STT3B: variants seen among roughly 807,000 people sequenced by gnomAD.
The protein encoded by STT3B is STT3 oligosaccharyltransferase complex catalytic subunit B.
A neutral mutation model predicts 96.8 loss-of-function variants in STT3B; 29 were observed. The ratio of observed to expected loss-of-function variants is 0.30; its 90% confidence interval spans 0.22 to 0.41. The LOEUF (loss-of-function observed/expected upper bound fraction) is 0.41, where lower values mean the gene tolerates loss of function less well. Ranked by LOEUF, STT3B falls within the 10% of genes least tolerant of loss-of-function variation. The pLI, the probability that STT3B is intolerant of heterozygous loss-of-function variation, is 1.00. For synonymous variants in STT3B, 367 were observed against 360.0 expected (o/e 1.02, Z -0.22); for missense variants, 640 against 1,022.3 (o/e 0.63, Z 5.10).
chr3:31,605,551 C>T (rs547022817), intron 5 of STT3B, among the ~76,000 whole-genome samples: 2 of 152,114 alleles, frequency 1.3e-5, no homozygotes, highest in Non-Finnish European at 2.9e-5. Context: ...AAATCCTTTT[C>T]TCTTGGTTTT....
intron 3 of STT3B, 93 bp downstream of exon 3, chr3:31,580,189 A>T: frequency 8.0e-7 from 1 of 1,246,554 alleles, no homozygotes; most frequent in Non-Finnish European, 1.1e-6. Flanking sequence ...TTTACAAATT[A>T]TGTAGTTGCG....
intron 5 of STT3B, among the ~76,000 whole-genome samples, chr3:31,604,554 A>G (rs1040493891): frequency 3.9e-5 from 6 of 152,210 alleles, no homozygotes; most frequent in African/African-American, 1.4e-4. Context: ...CCATACATTT[A>G]TTAAGTGTTG....
chr3:31,616,887 G>A, intron 6 of STT3B, 42 bp from the exon 7 acceptor site: 1 of 1,541,132 alleles, frequency 6.5e-7, no homozygotes, highest in Non-Finnish European at 8.8e-7. Context: ...AATGACCTTG[G>A]AAAACTGCTT....
chr3:31,605,818 T>C (rs1182968745), intron 5 of STT3B, among the ~76,000 whole-genome samples: 3 of 152,106 alleles, frequency 2.0e-5, no homozygotes, highest in Non-Finnish European at 4.4e-5. Flanking sequence ...CAGATAGATA[T>C]TGGAACAGTT....
At chr3:31,628,070 A>T (rs1699571793) in intron 13 of STT3B, among the ~76,000 whole-genome samples, 1 of 152,102 alleles carries the variant, frequency 6.6e-6, no homozygotes, top group African/African-American at 2.4e-5. Context: ...GTAAGTTGCT[A>T]AGAGAGTAGA....
chr3:31,583,301 A>T (rs1331139731), intron 3 of STT3B, among the ~76,000 whole-genome samples: 2 of 150,756 alleles, frequency 1.3e-5, no homozygotes, highest in Non-Finnish European at 1.5e-5. Flanking sequence ...CTCTTTTGTA[A>T]CCTTTTTTTT....
In STT3B at chr3:31,632,226, C is replaced by T. The variant is rs75775319; in HGVS notation, c.2188-709C>T. Among the ~76,000 whole-genome samples the T allele has an allele frequency of 5.9e-3, 895 of 152,242 alleles. 64 individuals carry two copies. In the East Asian group the frequency reaches 0.15, roughly 25 times the overall value. ...TTTTTATCCCTCATAAATCCTTTCA[C>T]GGTTTGGTTTTTTTATTTGGCCTCC... On this transcript the variant is annotated intron_variant, in intron 14 of 15. Transcript: ENST00000295770.
chr3:31,603,239 T>C (rs985674037), intron 5 of STT3B, among the ~76,000 whole-genome samples: 1 of 152,134 alleles, frequency 6.6e-6, no homozygotes, highest in African/African-American at 2.4e-5. Flanking sequence ...CCTCTTTGAG[T>C]AGATTTTTTC....
At chr3:31,553,969 A>G (rs543434055) in intron 1 of STT3B, among the ~76,000 whole-genome samples, 2 of 152,278 alleles carry the variant, frequency 1.3e-5, no homozygotes, top group South Asian at 4.1e-4. Flanking sequence ...TCCATATTTT[A>G]TGGCTGCATT....
intron 1 of STT3B, among the ~76,000 whole-genome samples, chr3:31,557,278 C>T (rs1697742843): frequency 6.6e-6 from 1 of 152,138 alleles, no homozygotes. Context: ...GTTTGGGTTA[C>T]TGTAGTCTTA....
At chr3:31,577,492 T>G (rs796387467) in intron 2 of STT3B, among the ~76,000 whole-genome samples, 2 of 152,172 alleles carry the variant, frequency 1.3e-5, no homozygotes, top group Non-Finnish European at 2.9e-5. Flanking sequence ...TACCCAGTTA[T>G]GTTTTTTTGC....
At chr3:31,554,098 A>C (rs1697634493) in intron 1 of STT3B, among the ~76,000 whole-genome samples, 1 of 152,218 alleles carries the variant, frequency 6.6e-6, no homozygotes, top group Non-Finnish European at 1.5e-5. Context: ...TTGGTAGAGT[A>C]GTCTTGCTCC....
At chr3:31,625,559 G>A (rs1207368523) in intron 12 of STT3B, among the ~76,000 whole-genome samples, 4 of 152,106 alleles carry the variant, frequency 2.6e-5, no homozygotes, top group Non-Finnish European at 5.9e-5. Flanking sequence ...AATTCTATTT[G>A]TATTACTGTT....
At chr3:31,624,870 C>T (rs1410749974) in intron 11 of STT3B, 44 bp from the exon 12 acceptor site, 4 of 1,495,838 alleles carry the variant, frequency 2.7e-6, no homozygotes, top group Non-Finnish European at 3.7e-6. Flanking sequence ...AGCCTCTTCA[C>T]ATTTGTGACA....
intron 13 of STT3B, among the ~76,000 whole-genome samples, chr3:31,628,255 A>G (rs1699577747): frequency 6.6e-6 from 1 of 152,096 alleles, no homozygotes; most frequent in South Asian, 2.1e-4. Context: ...CCTGGTAATC[A>G]CTGGTTATTT....
chr3:31,610,581 A>G lies in STT3B; in HGVS notation c.878-4524A>G, dbSNP rs559520175. Among the ~76,000 whole-genome samples, 45 of 152,300 alleles carry G rather than the reference A, an allele frequency of 3.0e-4. No homozygotes were observed. The South Asian group carries it at 9.1e-3, about 31-fold the overall frequency. ...CATTTGAATTTGAGTCAGACTTTTC[A>G]GTGCCTTTTCTTTTCTAGAATAATT... is the stretch of plus-strand genomic sequence containing the variant. On this transcript the variant is annotated intron_variant, in intron 5 of 15. Transcript: ENST00000295770.
chr3:31,563,403 G>A (rs958402417), intron 1 of STT3B, among the ~76,000 whole-genome samples: 1 of 152,172 alleles, frequency 6.6e-6, no homozygotes, highest in African/African-American at 2.4e-5. Flanking sequence ...ATATATACAA[G>A]GATCTTTGTT....
chr3:31,636,131 A>C lies in STT3B; in HGVS notation c.*67A>C. ...GAGAACCGGTCTTTGCCTTTAGCTC[A>C]TGTCGTGTTTCACAGCAAAGAGGGT... On this transcript the variant is annotated 3_prime_UTR_variant, in exon 16 of 16. Transcript: ENST00000295770. 34 of 1,274,008 alleles carry C rather than the reference A, an allele frequency of 2.7e-5. No homozygotes were observed. Among genetic ancestry groups the C allele is most frequent in the Non-Finnish European group, 3.5e-5 (32 of 916,812 alleles). 78.9% of individuals were successfully genotyped at this position (1,274,008 alleles called of 1,614,324 possible).
At chr3:31,533,576 G>C in intron 1 of STT3B, 1 of 290,612 alleles carries the variant, frequency 3.4e-6, no homozygotes, top group Non-Finnish European at 6.1e-6. Context: ...ACTGCCAGGA[G>C]TGTGGATGCA....
Sources: gnomAD v4.1 joint callset for allele counts (sites outside exome capture counted in the v4.1 genomes callset) on GRCh38, gnomAD v4.1.1 for gene constraint, MANE v1.5 for transcripts, NCBI Gene and HGNC (gene_info 2026-07-23, HGNC 2026-07-21) for gene names.